AKAP6: variants seen among roughly 807,000 people sequenced by gnomAD.
AKAP6 encodes the protein A-kinase anchor protein 6.
Under a neutral mutation model 188.5 loss-of-function variants are expected in AKAP6, and 58 were observed. The observed-to-expected ratio is 0.31, with a 90% confidence interval of 0.25 to 0.38. The LOEUF (loss-of-function observed/expected upper bound fraction) is 0.38. AKAP6 is among the 10% of genes least tolerant of loss of function. The pLI is 1.00. For missense variants in AKAP6, 2,710 were observed against 2,740.0 expected, an observed-to-expected ratio of 0.99 and a Z score of 0.24; for synonymous variants, 989 against 998.6, an observed-to-expected ratio of 0.99 and a Z score of 0.18.
At chr14:32,400,168 T>C (rs1402930747) in intron 1 of AKAP6, among the ~76,000 whole-genome samples, 1 of 152,036 alleles carries the variant, frequency 6.6e-6, no homozygotes, top group Non-Finnish European at 1.5e-5. Flanking sequence ...GAAATTTTTT[T>C]CCCTTCACCC....
At chr14:32,668,753 G>GATTAGT (rs1176489526) in intron 7 of AKAP6, among the ~76,000 whole-genome samples, 1 of 151,976 alleles carries the variant, frequency 6.6e-6, no homozygotes, top group East Asian at 1.9e-4. Context: ...TCAGTTTTAT[G>GATTAGT]ATTAGTTTTG....
chr14:32,832,121 T>C lies in AKAP6; in HGVS notation c.*2316T>C, dbSNP rs1005217695. The stretch of plus-strand genomic sequence containing the variant: ...GTTTTAGCCAGACATCTAGTTGCAG[T>C]GTTCAAGAGGATTATGGGGGAAAGA... On this transcript the variant is annotated 3_prime_UTR_variant, in exon 14 of 14. Coordinates refer to ENST00000280979, the MANE Select transcript of AKAP6 (RefSeq NM_004274.5). 3.3e-5 allele frequency: 5 copies of C among 152,034 alleles called. No homozygotes were observed. The highest frequency in any genetic ancestry group is 2.1e-4 in the South Asian group (1 of 4,816). 9.4% of individuals were successfully genotyped at this position (152,034 alleles called of 1,614,324 possible).
chr14:32,710,984 C>A (rs748227997), intron 9 of AKAP6, among the ~76,000 whole-genome samples: 1 of 151,978 alleles, frequency 6.6e-6, no homozygotes, highest in East Asian at 1.9e-4. Context: ...TGAACAGTGA[C>A]CATGTGGCCA....
At chr14:32,712,701 G>A (rs1016154622) in intron 9 of AKAP6, among the ~76,000 whole-genome samples, 1 of 152,008 alleles carries the variant, frequency 6.6e-6, no homozygotes, top group South Asian at 2.1e-4. Flanking sequence ...TTTATCTTGC[G>A]ATTGCAGCAA....
intron 5 of AKAP6, among the ~76,000 whole-genome samples, chr14:32,597,538 A>G (rs1268609224): frequency 6.6e-6 from 1 of 152,220 alleles, no homozygotes; most frequent in Non-Finnish European, 1.5e-5. Flanking sequence ...AATAACAAAC[A>G]TTTAATTTTT....
intron 4 of AKAP6, among the ~76,000 whole-genome samples, chr14:32,557,160 C>T (rs549711873): frequency 2.6e-5 from 4 of 152,260 alleles, no homozygotes; most frequent in Admixed American, 2.0e-4. Context: ...TGATAGCTCA[C>T]GTCAAGTCTC....
chr14:32,522,853 G>C (rs940441026), intron 2 of AKAP6, among the ~76,000 whole-genome samples: 4 of 151,488 alleles, frequency 2.6e-5, no homozygotes, highest in African/African-American at 9.7e-5. Context: ...TATACCCAAA[G>C]GATTATAAAG....
chr14:32,563,271 C>T (rs1566577361), intron 4 of AKAP6, among the ~76,000 whole-genome samples: 1 of 152,168 alleles, frequency 6.6e-6, no homozygotes, highest in African/African-American at 2.4e-5. Flanking sequence ...AGCTTATCAC[C>T]TGTGTTACAA....
chr14:32,577,393 C>T (rs1884776609), intron 5 of AKAP6, 151 bp downstream of exon 5: 1 of 992,116 alleles, frequency 1.0e-6, no homozygotes, highest in African/African-American at 1.7e-5. Context: ...TGAAAATTTA[C>T]AGGCATTTCA....
intron 2 of AKAP6, among the ~76,000 whole-genome samples, chr14:32,459,741 ATT>A (rs71432056): frequency 4.6e-4 from 68 of 147,594 alleles, no homozygotes; most frequent in African/African-American, 1.6e-3. Context: ...TTGTCAACTG[ATT>A]TTTTTTTTTC....
chr14:32,776,959 G>A (rs1001608605), intron 12 of AKAP6, among the ~76,000 whole-genome samples: 3 of 152,138 alleles, frequency 2.0e-5, no homozygotes, highest in Admixed American at 6.6e-5. Flanking sequence ...CTCAGCAGAA[G>A]GAACCACCTG....
rs993954386 is a variant in AKAP6, at chr14:32,836,778, G to C, written c.*6973G>C. On this transcript the variant is annotated 3_prime_UTR_variant, in exon 14 of 14. Transcript: ENST00000280979. Reference sequence around the variant, plus strand: ...TGAAATGAGGTGCTCCCAAACCTGGGAGATGGCTCCCAAAGAACAAGAGAA... The same window carrying C: ...TGAAATGAGGTGCTCCCAAACCTGGCAGATGGCTCCCAAAGAACAAGAGAA... 2 of 152,172 alleles carry C rather than the reference G, an allele frequency of 1.3e-5. No individual in the cohort carries two copies. The highest frequency in any genetic ancestry group is 1.3e-4 in the Admixed American group (2 of 15,280). 9.4% of individuals were successfully genotyped at this position (152,172 alleles called of 1,614,324 possible). A position where few individuals can be genotyped will look rare whatever the true frequency, so the allele number is the denominator to read the frequency against.
rs1342238502 is a variant in AKAP6 at position 32,433,924 on chromosome 14, C to G, written c.324+107C>G. On this transcript the variant is annotated intron_variant, in intron 2 of 13. Transcript: ENST00000280979. ...GTGAGGAATTGTCCAGGAAGAAAAG[C>G]ACAGTACCAGGTTTCAAACCATTAT... 4 of 1,063,872 alleles carry G rather than the reference C, an allele frequency of 3.8e-6. No homozygotes were observed. In the East Asian group the frequency reaches 9.7e-5, roughly 26 times the overall value. 65.9% of individuals were successfully genotyped at this position (1,063,872 alleles called of 1,614,324 possible). A position where few individuals can be genotyped will look rare whatever the true frequency, so the allele number is the denominator to read the frequency against.
intron 1 of AKAP6, among the ~76,000 whole-genome samples, chr14:32,371,195 A>G (rs759734771): frequency 6.6e-6 from 1 of 152,250 alleles, no homozygotes; most frequent in Non-Finnish European, 1.5e-5. Flanking sequence ...TAGTGAATAT[A>G]CATGCATTTT....
chr14:32,809,558 GTTT>G, intron 12 of AKAP6, among the ~76,000 whole-genome samples: 1 of 152,292 alleles, frequency 6.6e-6, no homozygotes. Flanking sequence ...TGAAAGCTGG[GTTT>G]TATGGGTACA....
At chr14:32,718,427 T>A in intron 9 of AKAP6, 6 of 583,262 alleles carry the variant, frequency 1.0e-5, no homozygotes, top group Non-Finnish European at 1.3e-5. Context: ...GGTCAGGGGA[T>A]GGGTAGAACA....
intron 2 of AKAP6, among the ~76,000 whole-genome samples, chr14:32,456,608 G>A: frequency 6.6e-6 from 1 of 152,166 alleles, no homozygotes; most frequent in East Asian, 1.9e-4. Context: ...AGTCAATCAA[G>A]TACATGTTAT....
chr14:32,707,064 C>T (rs1008733079), intron 9 of AKAP6, among the ~76,000 whole-genome samples: 1 of 152,058 alleles, frequency 6.6e-6, no homozygotes, highest in African/African-American at 2.4e-5. Flanking sequence ...CCCTTGTCAT[C>T]TCATTTTAGC....
intron 5 of AKAP6, among the ~76,000 whole-genome samples, chr14:32,586,777 C>G (rs947210533): frequency 6.6e-6 from 1 of 152,118 alleles, no homozygotes; most frequent in African/African-American, 2.4e-5. Context: ...ATTTACATAA[C>G]CAGTTCTTTG....
Sources: allele counts gnomAD v4.1 joint callset (sites outside exome capture counted in the v4.1 genomes callset), GRCh38; gene constraint gnomAD v4.1.1; transcripts MANE v1.5; gene names NCBI Gene and HGNC (gene_info 2026-07-23, HGNC 2026-07-21).